Variants in SPAG16 observed in about 807,000 individuals in gnomAD.
The protein encoded by SPAG16 is sperm associated antigen 16, also known as sperm-associated antigen 16 protein.
SPAG16 carries 86 observed loss-of-function variants against 80.4 expected under a neutral mutation model. The ratio of observed to expected loss-of-function variants is 1.07; its 90% CI spans 0.90 to 1.28. The LOEUF is 1.28. SPAG16 is among the 50% of genes most tolerant of loss of function. The pLI, the probability that SPAG16 is intolerant of heterozygous loss-of-function variation, is 0.00. For synonymous variants in SPAG16, 294 were observed against 265.9 expected (o/e 1.11, Z -1.03); for missense variants, 870 against 765.3 (o/e 1.14, Z -1.61).
intron 14 of SPAG16, 42 bp from the exon 15 acceptor site, chr2:214,149,090 TATATATAC>T (rs1553515480): frequency 1.6e-6 from 1 of 616,838 alleles, no homozygotes; most frequent in Non-Finnish European, 2.4e-6. Context: ...TATATATATA[TATATATAC>T]ATACATACAC....
chr2:213,347,478 A>G (rs555352977), intron 6 of SPAG16, among the ~76,000 whole-genome samples: 1 of 152,206 alleles, frequency 6.6e-6, no homozygotes, highest in South Asian at 2.1e-4. Flanking sequence ...TTGTGATGTT[A>G]GGGTGTCAAT....
rs147607938 is a variant in SPAG16, at chr2:213,507,207, A to G, written c.1070+17117A>G. On this transcript the variant is annotated intron_variant, in intron 10 of 15. Transcript: ENST00000331683. ...AGATTCCTTTAAAAAATGCCTGGGT[A>G]TTATTACCAGAAAGAAAGGGAATGA... Among the ~76,000 whole-genome samples, 214 of 152,332 alleles carry G rather than the reference A, an allele frequency of 1.4e-3. 1 individual carries two copies. The East Asian group carries it at 0.014, about 10-fold the overall frequency.
intron 10 of SPAG16, among the ~76,000 whole-genome samples, chr2:213,842,047 T>C (rs1341946898): frequency 1.3e-5 from 2 of 152,158 alleles, no homozygotes; most frequent in African/African-American, 4.8e-5. Context: ...GTGTGCATCA[T>C]GTAAACCTTG....
intron 7 of SPAG16, among the ~76,000 whole-genome samples, chr2:213,357,085 C>T (rs979021303): frequency 1.3e-5 from 2 of 152,118 alleles, no homozygotes; most frequent in Non-Finnish European, 1.5e-5. Flanking sequence ...ATCCTGAGTT[C>T]CAATTTGATT....
intron 5 of SPAG16, among the ~76,000 whole-genome samples, chr2:213,332,494 C>T (rs78858391): frequency 0.014 from 2,168 of 152,132 alleles, 24 homozygotes; most frequent in South Asian, 0.038. Flanking sequence ...CAAACAATTC[C>T]GAAAAATACA....
intron 10 of SPAG16, among the ~76,000 whole-genome samples, chr2:213,503,774 A>C (rs111860144): frequency 5.9e-5 from 9 of 152,236 alleles, no homozygotes; most frequent in African/African-American, 2.2e-4. Flanking sequence ...GAGGTTTAAG[A>C]GTTTAAAATT....
chr2:214,146,347 A>G (rs2055636447), intron 14 of SPAG16, among the ~76,000 whole-genome samples: 1 of 152,184 alleles, frequency 6.6e-6, no homozygotes, highest in Non-Finnish European at 1.5e-5. Context: ...GAAATGGGAG[A>G]AAGAAGAAGG....
chr2:213,609,242 A>G (rs879561666), intron 10 of SPAG16, among the ~76,000 whole-genome samples: 6 of 152,264 alleles, frequency 3.9e-5, no homozygotes, highest in African/African-American at 7.2e-5. Context: ...GCTTGATTCT[A>G]TGTTCTAAAT....
intron 13 of SPAG16, among the ~76,000 whole-genome samples, chr2:214,046,015 G>C (rs185823955): frequency 2.0e-5 from 3 of 152,104 alleles, no homozygotes; most frequent in Admixed American, 2.0e-4. Flanking sequence ...TGAAAAAGAA[G>C]ACACTATAAC....
At chr2:214,181,956 A>G (rs556484434) in intron 15 of SPAG16, among the ~76,000 whole-genome samples, 1 of 151,922 alleles carries the variant, frequency 6.6e-6, no homozygotes, top group South Asian at 2.1e-4. Context: ...ACCAGCACAC[A>G]CATACTCTTC....
intron 15 of SPAG16, among the ~76,000 whole-genome samples, chr2:214,283,550 T>TTATG (rs1225972659): frequency 2.6e-5 from 4 of 152,142 alleles, no homozygotes; most frequent in Admixed American, 6.6e-5. Context: ...ATCCATTAAG[T>TTATG]TATGGAGCAA....
intron 15 of SPAG16, among the ~76,000 whole-genome samples, chr2:214,334,777 G>A (rs1410532286): frequency 1.3e-5 from 2 of 152,170 alleles, no homozygotes; most frequent in African/African-American, 4.8e-5. Context: ...TGTCACCACT[G>A]ATAACATTTT....
chr2:213,297,092 T>C (rs2062534293), intron 2 of SPAG16, 170 bp from the exon 3 acceptor site: 1 of 1,462,904 alleles, frequency 6.8e-7, no homozygotes, highest in East Asian at 2.8e-5. Flanking sequence ...TACAAGGAAG[T>C]CAGAAGAAAG....
At chr2:214,038,457 T>C (rs957560638) in intron 13 of SPAG16, among the ~76,000 whole-genome samples, 1 of 152,210 alleles carries the variant, frequency 6.6e-6, no homozygotes, top group African/African-American at 2.4e-5. Context: ...AACTTTATCT[T>C]TGTTTTAGTC....
chr2:213,342,127 A>G (rs2064715552), intron 6 of SPAG16, among the ~76,000 whole-genome samples: 1 of 151,956 alleles, frequency 6.6e-6, no homozygotes, highest in Admixed American at 6.6e-5. Flanking sequence ...AAATTTTGCC[A>G]TCAATATTTT....
intron 11 of SPAG16, among the ~76,000 whole-genome samples, chr2:213,878,631 G>T (rs908616759): frequency 2.0e-5 from 3 of 152,084 alleles, no homozygotes; most frequent in African/African-American, 7.2e-5. Flanking sequence ...GATTATTTAT[G>T]TTTCTGTGCA....
intron 15 of SPAG16, among the ~76,000 whole-genome samples, chr2:214,388,023 T>C (rs1700860185): frequency 6.6e-6 from 1 of 152,204 alleles, no homozygotes; most frequent in Non-Finnish European, 1.5e-5. Flanking sequence ...TTTTAATATA[T>C]ATTTTAATCA....
rs868381044 is a variant in SPAG16, at chr2:214,126,026, C to T, written c.1593+17765C>T. Reference sequence around the variant, plus strand: ...TCCTTCCTTCCTTCCTTCCTTCCTTCCTTCCTTCCTTCCTTCCTTCCTTCC... The same window carrying T: ...TCCTTCCTTCCTTCCTTCCTTCCTTTCTTCCTTCCTTCCTTCCTTCCTTCC... On this transcript the variant is annotated intron_variant, in intron 14 of 15. Coordinates refer to ENST00000331683, the MANE Select transcript of SPAG16 (RefSeq NM_024532.5). Among the ~76,000 whole-genome samples, 5 of 8,782 alleles carry T rather than the reference C, an allele frequency of 5.7e-4. 1 individual carries two copies. The allele number at this position is 8,782 out of a possible 152,430, so 5.8% of individuals were successfully genotyped here.
At chr2:213,552,326 A>G (rs2076802893) in intron 10 of SPAG16, among the ~76,000 whole-genome samples, 1 of 152,140 alleles carries the variant, frequency 6.6e-6, no homozygotes, top group Non-Finnish European at 1.5e-5. Context: ...TCCACCAACC[A>G]ACAACAAATA....
Sources: allele counts gnomAD v4.1 joint callset (sites outside exome capture counted in the v4.1 genomes callset), GRCh38; gene constraint gnomAD v4.1.1; transcripts MANE v1.5; gene names NCBI Gene and HGNC (gene_info 2026-07-23, HGNC 2026-07-21).